Variants in IQSEC2 observed in about 807,000 individuals in gnomAD.
The protein encoded by IQSEC2 is IQ motif and Sec7 domain ArfGEF 2, also known as IQ motif and SEC7 domain-containing protein 2.
In IQSEC2, 6 loss-of-function variants were observed where a neutral mutation model predicts 74.6. That is an observed-to-expected ratio of 0.08 (90% CI 0.04 to 0.16). The LOEUF (loss-of-function observed/expected upper bound fraction) is 0.16, where lower values mean the gene tolerates loss of function less well. Ranked by LOEUF, IQSEC2 falls within the 10% of genes least tolerant of loss-of-function variation. The pLI is 1.00. For synonymous variants in IQSEC2, 494 were observed against 544.5 expected, an observed-to-expected ratio of 0.91 and a Z score of 1.29; for missense variants, 734 against 1,306.2, an observed-to-expected ratio of 0.56 and a Z score of 6.75.
Position 53,254,721 on chromosome X carries a change from C to T in IQSEC2, c.1210G>A (p.Ala404Thr). 1.7e-6 allele frequency: 2 copies of T among 1,206,410 alleles called. No homozygotes were observed. The highest frequency in any genetic ancestry group is 2.3e-4 in the Middle Eastern group (1 of 4,345). ...FEEYEKAQNP[A>T]YFEGKPASLD... ...GAGGCAGGCTTGCCCTCGAAGTACG[C>T]GGGGTTCTGTGCCTTCTCATACTCC... Residue 404 changes from alanine (A) to threonine (T), a missense_variant, in exon 4 of 15, where the codon GCG (alanine) becomes ACG (threonine). By Grantham distance (58) the Ala-to-Thr change is moderately conservative. Coordinates refer to ENST00000642864, the MANE Select transcript of IQSEC2 (RefSeq NM_001111125.3).
At chrX:53,254,410 T>G in intron 4 of IQSEC2, 120 bp downstream of exon 4, 1 of 580,326 alleles carries the variant, frequency 1.7e-6, no homozygotes, top group Non-Finnish European at 2.7e-6. Flanking sequence ...AAATGGTAGC[T>G]ATTTGCTGTT....
chrX:53,267,332 C>T (rs1443963259), intron 2 of IQSEC2, among the ~76,000 whole-genome samples: 1 of 112,171 alleles, frequency 8.9e-6, no homozygotes, highest in East Asian at 2.8e-4. Context: ...CTTTCTAACC[C>T]TGCCAGGTGC....
At chrX:53,255,036 A>G in intron 3 of IQSEC2, 105 bp from the exon 4 acceptor site, 2 of 811,314 alleles carry the variant, frequency 2.5e-6, no homozygotes, top group Non-Finnish European at 3.6e-6. Context: ...CTGACTGCTT[A>G]CAGCCACCGA....
intron 14 of IQSEC2, 143 bp downstream of exon 14, chrX:53,235,640 T>C (rs1313521266): frequency 1.8e-6 from 1 of 566,316 alleles, no homozygotes. Context: ...TGAGGACAGA[T>C]GGAGAGAGTG....
intron 9 of IQSEC2, 30 bp from the exon 10 acceptor site, chrX:53,241,939 C>T: frequency 8.3e-7 from 1 of 1,200,489 alleles, no homozygotes; most frequent in Non-Finnish European, 1.1e-6. Flanking sequence ...CAGGTGTCAG[C>T]AAGGCCAGCC....
chrX:53,241,706 A>G (rs2074224430), intron 10 of IQSEC2, 78 bp downstream of exon 10: 2 of 1,165,651 alleles, frequency 1.7e-6, no homozygotes, highest in East Asian at 3.0e-5. Context: ...CCACACACCT[A>G]CATCAATATG....
intron 2 of IQSEC2, among the ~76,000 whole-genome samples, chrX:53,268,932 G>A (rs1057167840): frequency 2.7e-5 from 3 of 112,395 alleles, no homozygotes; most frequent in Non-Finnish European, 5.6e-5. Context: ...GCAGGGTGCA[G>A]TGGGACTAAA....
chrX:53,231,784 CA>C (rs1236778132), downstream of IQSEC2: 7 of 112,422 alleles, frequency 6.2e-5, no homozygotes, highest in Non-Finnish European at 1.1e-4. Flanking sequence ...CTAAGCTCTT[CA>C]AACCCTCAAG....
At chrX:53,301,178 G>C (rs1339419231) in intron 1 of IQSEC2, among the ~76,000 whole-genome samples, 3 of 112,166 alleles carry the variant, frequency 2.7e-5, no homozygotes, top group Non-Finnish European at 5.6e-5. Context: ...ACTGTGAGGC[G>C]GGGGGCATAA....
At chrX:53,240,867 T>C (rs1385676676) in intron 10 of IQSEC2, among the ~76,000 whole-genome samples, 1 of 108,942 alleles carries the variant, frequency 9.2e-6, no homozygotes, top group South Asian at 4.0e-4. Flanking sequence ...CTCCGCCTCC[T>C]GGGTTCAAGC....
At position 53,321,040 on chromosome X, in the gene IQSEC2, G is replaced by A. The variant is rs782713602; in HGVS notation, c.84C>T (p.Asn28=). ...RAVEYLLELN[N]IIESQQQLLE... The stretch of plus-strand genomic sequence containing the variant: ...GCAGCTGCTGCTGGCTCTCGATGAT[G>A]TTGTTCAGCTCCAGCAGGTACTCCA... The change falls in exon 1 of 15, where the codon AAC becomes AAT. Residue 28 remains asparagine, a synonymous_variant. Coordinates refer to ENST00000642864, the MANE Select transcript of IQSEC2 (RefSeq NM_001111125.3). The A allele has an allele frequency of 6.2e-4, 714 of 1,153,018 alleles. 7 individuals carry two copies. Among genetic ancestry groups the A allele is most frequent in the Non-Finnish European group, 6.7e-5 (58 of 870,694 alleles).
At chrX:53,285,464 A>G (rs782483084) in intron 2 of IQSEC2, among the ~76,000 whole-genome samples, 1 of 112,640 alleles carries the variant, frequency 8.9e-6, no homozygotes, top group South Asian at 3.6e-4. Flanking sequence ...TCTAGGTTTC[A>G]GTTTCCCCAC....
chrX:53,251,080 C>A lies in IQSEC2; in HGVS notation c.1496G>T (p.Arg499Leu), dbSNP rs782243346. Residue 499 changes from arginine (R) to leucine (L), a missense_variant, in exon 5 of 15, where the codon CGG becomes CTG. Physicochemically the swap from Arg to Leu is moderately radical, Grantham distance 102. Coordinates refer to ENST00000642864, the MANE Select transcript of IQSEC2 (RefSeq NM_001111125.3). ...GTCCTCTTGCTGTTCCTTTGACTCC[C>A]GCTTCTCCAGCTGGGCTGACCCTGG... is the stretch of plus-strand genomic sequence containing the variant. ...EEPGSAQLEK[R>L]ESKEQQEDSS... 6 of 1,210,002 alleles carry A rather than the reference C, an allele frequency of 5.0e-6. No homozygotes were observed. The African/African-American group carries it at 1.1e-4, about 21-fold the overall frequency.
chrX:53,307,554 G>C lies in IQSEC2; in HGVS notation c.707+12863C>G, dbSNP rs939919717. Among the ~76,000 whole-genome samples the C allele has an allele frequency of 4.6e-5, 5 of 109,538 alleles. No homozygotes were observed. The Admixed American group carries it at 4.9e-4, about 11-fold the overall frequency. On this transcript the variant is annotated intron_variant, in intron 1 of 14. Coordinates refer to ENST00000642864, the MANE Select transcript of IQSEC2 (RefSeq NM_001111125.3). ...CAGGAAGTTCAACACCCAACTAAGA[G>C]ACATTCCCAAACAAGAAAACAGAGC...
chrX:53,240,365 C>T (rs782530060), intron 10 of IQSEC2, among the ~76,000 whole-genome samples: 1 of 111,951 alleles, frequency 8.9e-6, no homozygotes, highest in South Asian at 3.7e-4. Flanking sequence ...GGACAGTCCC[C>T]GCAAAGAATT....
intron 1 of IQSEC2, among the ~76,000 whole-genome samples, chrX:53,305,325 G>T (rs1321091650): frequency 2.7e-5 from 3 of 110,291 alleles, no homozygotes; most frequent in Admixed American, 1.9e-4. Context: ...GTAATCTTCT[G>T]CTCTCAGTCT....
intron 1 of IQSEC2, among the ~76,000 whole-genome samples, chrX:53,319,232 C>A (rs2075405866): frequency 8.9e-6 from 1 of 112,237 alleles, no homozygotes; most frequent in Middle Eastern, 4.2e-3. Flanking sequence ...CATGGTAGGA[C>A]CAGCTGAGCA....
chrX:53,272,898 AG>A (rs782333733), intron 2 of IQSEC2, among the ~76,000 whole-genome samples: 4 of 111,702 alleles, frequency 3.6e-5, no homozygotes, highest in Non-Finnish European at 7.5e-5. Context: ...GTTGGCTATG[AG>A]GAAAACAAGA....
intron 1 of IQSEC2, among the ~76,000 whole-genome samples, chrX:53,299,781 C>G (rs1395806257): frequency 9.0e-6 from 1 of 111,035 alleles, no homozygotes; most frequent in African/African-American, 3.3e-5. Flanking sequence ...GACAAGGTCT[C>G]TCTCTGCTGC....
Sources: allele counts gnomAD v4.1 joint callset (sites outside exome capture counted in the v4.1 genomes callset), GRCh38; gene constraint gnomAD v4.1.1; transcripts MANE v1.5; gene names NCBI Gene and HGNC (gene_info 2026-07-23, HGNC 2026-07-21).